Variants in FYN observed in about 807,000 individuals in gnomAD.
FYN encodes the protein tyrosine-protein kinase Fyn.
Under a neutral mutation model 70.2 loss-of-function variants are expected in FYN, and 10 were observed. The observed-to-expected ratio is 0.14, with a 90% CI of 0.09 to 0.24. The LOEUF is 0.24. Among genes scored for constraint, FYN ranks in the 10% least tolerant of loss-of-function variants. The pLI is 1.00. For synonymous variants in FYN, 236 were observed against 248.6 expected (o/e 0.95, Z 0.48); for missense variants, 319 against 673.1 (o/e 0.47, Z 5.82).
At chr6:111,747,344 C>G (rs939088632) in intron 3 of FYN, among the ~76,000 whole-genome samples, 1 of 152,070 alleles carries the variant, frequency 6.6e-6, no homozygotes, top group African/African-American at 2.4e-5. Flanking sequence ...TTAAGCAGAG[C>G]CAAGAGGCAA....
chr6:111,735,844 T>C (rs1046841479), intron 3 of FYN, among the ~76,000 whole-genome samples: 1 of 152,226 alleles, frequency 6.6e-6, no homozygotes, highest in African/African-American at 2.4e-5. Context: ...TTTTGTTACA[T>C]GTGAGAATAA....
chr6:111,865,091 C>T (rs1253528354), intron 1 of FYN, among the ~76,000 whole-genome samples: 1 of 152,134 alleles, frequency 6.6e-6, no homozygotes, highest in Non-Finnish European at 1.5e-5. Context: ...ACAAGTAGTC[C>T]TCTAAAAAAG....
At chr6:111,765,689 A>G (rs993502024) in intron 3 of FYN, among the ~76,000 whole-genome samples, 1 of 152,152 alleles carries the variant, frequency 6.6e-6, no homozygotes, top group African/African-American at 2.4e-5. Flanking sequence ...TACTGGACAC[A>G]GAGGTGAATT....
intron 13 of FYN, among the ~76,000 whole-genome samples, chr6:111,673,619 A>ACTGTTTTTTTTTTTTT (rs1301768351): frequency 7.7e-5 from 5 of 65,018 alleles, no homozygotes; most frequent in East Asian, 5.6e-4. Flanking sequence ...CGTTTCTATC[A>ACTGTTTTTTTTTTTTT]TTGTTTTTTT....
chr6:111,779,202 T>C (rs755338582), intron 3 of FYN, among the ~76,000 whole-genome samples: 2 of 149,122 alleles, frequency 1.3e-5, no homozygotes, highest in South Asian at 4.4e-4. Flanking sequence ...TCTTTGATTC[T>C]ATGAAATGGC....
At chr6:111,767,621 C>T (rs1288949178) in intron 3 of FYN, among the ~76,000 whole-genome samples, 1 of 152,018 alleles carries the variant, frequency 6.6e-6, no homozygotes, top group Non-Finnish European at 1.5e-5. Flanking sequence ...AGGATGGTCT[C>T]GATCTCCTGA....
intron 2 of FYN, among the ~76,000 whole-genome samples, chr6:111,842,473 C>T (rs1773391440): frequency 6.6e-6 from 1 of 152,138 alleles, no homozygotes; most frequent in Non-Finnish European, 1.5e-5. Flanking sequence ...CCCTCACCTC[C>T]CTTAAGCAAC....
Position 111,694,262 on chromosome 6 carries a change from T to C in FYN, c.1273+113A>G. ...AAGGTGTCCAAACCAAGCTGAAGAA[T>C]GACATTTCAAGTATTTTCTGAAGGA... On this transcript the variant is annotated intron_variant, in intron 12 of 13. Coordinates refer to ENST00000354650, the MANE Select transcript of FYN (RefSeq NM_002037.5). The surrounding 1 kb of genome is among the most constrained non-coding windows in gnomAD (Gnocchi z 5.0). 2.2e-6 allele frequency: 3 copies of C among 1,375,726 alleles called. No homozygotes were observed. The highest frequency in any genetic ancestry group is 3.0e-6 in the Non-Finnish European group (3 of 991,762). The allele number at this position is 1,375,726 out of a possible 1,614,324, so 85.2% of individuals were successfully genotyped here. A position where few individuals can be genotyped will look rare whatever the true frequency, so the allele number is the denominator to read the frequency against.
At chr6:111,836,785 C>T (rs1349560850) in intron 2 of FYN, among the ~76,000 whole-genome samples, 2 of 152,128 alleles carry the variant, frequency 1.3e-5, no homozygotes, top group Non-Finnish European at 2.9e-5. Flanking sequence ...AGAAAAACAA[C>T]AAATGCTTTT....
At chr6:111,872,137 T>C (rs889899254) in intron 1 of FYN, among the ~76,000 whole-genome samples, 3 of 151,836 alleles carry the variant, frequency 2.0e-5, no homozygotes, top group African/African-American at 4.8e-5. Flanking sequence ...AGAAGGGTGA[T>C]TTTATTATCC....
chr6:111,834,897 C>G (rs1298568874), intron 2 of FYN, among the ~76,000 whole-genome samples: 1 of 152,148 alleles, frequency 6.6e-6, no homozygotes, highest in Non-Finnish European at 1.5e-5. Context: ...CCAGACCTAC[C>G]CATCTCTCAG....
At chr6:111,813,732 A>G (rs1772398100) in intron 2 of FYN, among the ~76,000 whole-genome samples, 1 of 152,244 alleles carries the variant, frequency 6.6e-6, no homozygotes, top group South Asian at 2.1e-4. Context: ...AAAAAGCAGC[A>G]GTGAATACTG....
intron 9 of FYN, among the ~76,000 whole-genome samples, chr6:111,697,717 G>A (rs78308888): frequency 0.049 from 7,530 of 152,204 alleles, 532 homozygotes; most frequent in African/African-American, 0.16. Context: ...TACAAACTTC[G>A]TCAATTACAC....
intron 3 of FYN, among the ~76,000 whole-genome samples, chr6:111,773,579 A>G (rs1583430708): frequency 4.4e-5 from 1 of 22,522 alleles, no homozygotes; most frequent in Non-Finnish European, 7.1e-5. Flanking sequence ...GGAGAGGGGG[A>G]GGGGGAGGGA....
chr6:111,682,474 A>G (rs980285889), intron 12 of FYN, among the ~76,000 whole-genome samples: 1 of 152,212 alleles, frequency 6.6e-6, no homozygotes, highest in African/African-American at 2.4e-5. Flanking sequence ...TGACTCAGTT[A>G]CTTCCTGTTC....
chr6:111,772,057 G>A (rs1803473784), intron 3 of FYN, among the ~76,000 whole-genome samples: 2 of 152,242 alleles, frequency 1.3e-5, no homozygotes, highest in South Asian at 4.1e-4. Context: ...GGTGACCTTG[G>A]GCAAGTCACT....
chr6:111,694,763 G>T lies in FYN; in HGVS notation c.1043-59C>A. On this transcript the variant is annotated intron_variant, in intron 10 of 13. Coordinates refer to ENST00000354650, the MANE Select transcript of FYN (RefSeq NM_002037.5). The surrounding 1 kb of genome is among the most constrained non-coding windows in gnomAD (Gnocchi z 5.0). ...TTTGAAAGATAATTCCCAACAGAGA[G>T]CTGTATTTGGTTTTCTTATTAAAAG... 1.4e-6 allele frequency: 2 copies of T among 1,439,564 alleles called. No homozygotes were observed. Among genetic ancestry groups the T allele is most frequent in the Non-Finnish European group, 1.9e-6 (2 of 1,038,504 alleles). 89.2% of individuals were successfully genotyped at this position (1,439,564 alleles called of 1,614,324 possible).
intron 7 of FYN, among the ~76,000 whole-genome samples, chr6:111,703,310 A>G (rs1305923613): frequency 6.6e-6 from 1 of 152,196 alleles, no homozygotes; most frequent in Non-Finnish European, 1.5e-5. Context: ...TGCATAATAC[A>G]GCGTAGACTC....
chr6:111,741,701 C>T (rs1233407062), intron 3 of FYN, among the ~76,000 whole-genome samples: 2 of 152,210 alleles, frequency 1.3e-5, no homozygotes, highest in African/African-American at 2.4e-5. Context: ...CCTCTCGTTT[C>T]AGCAGAATGT....
Sources: allele counts gnomAD v4.1 joint callset (sites outside exome capture counted in the v4.1 genomes callset), GRCh38; gene constraint gnomAD v4.1.1; non-coding constraint Gnocchi (gnomAD v3.1); transcripts MANE v1.5; gene names NCBI Gene and HGNC (gene_info 2026-07-23, HGNC 2026-07-21).